The following DRC4 variants were observed in gnomAD, a reference collection of about 807,000 sequenced individuals.
DRC4 encodes the protein dynein regulatory complex subunit 4, also known as GAS-11.
chr16:90,044,790 C>T, the DRC4 span: 1 of 317,408 alleles, frequency 3.2e-6, no homozygotes. Context: ...AGTCTAGGGA[C>T]ACCACTGCCC....
chr16:90,020,624 A>T, the DRC4 span, among the ~76,000 whole-genome samples: 1 of 152,262 alleles, frequency 6.6e-6, no homozygotes, highest in African/African-American at 2.4e-5. Context: ...ACTCGAATTC[A>T]ATATGAAAAG....
the DRC4 span, chr16:90,042,460 C>G: frequency 1.6e-5 from 26 of 1,613,440 alleles, no homozygotes; most frequent in Non-Finnish European, 2.2e-5. Flanking sequence ...CATCACCTCT[C>G]TCTCCTCAGG....
chr16:90,040,278 A>AC, the DRC4 span: 8 of 1,556,752 alleles, frequency 5.1e-6, no homozygotes, highest in Admixed American at 1.5e-4. Flanking sequence ...CTCATCGCCC[A>AC]CCCCCAGCGC....
At chr16:90,024,642 G>C in the DRC4 span, among the ~76,000 whole-genome samples, 3 of 152,074 alleles carry the variant, frequency 2.0e-5, no homozygotes, top group Admixed American at 6.5e-5. Flanking sequence ...AATTTTTAAA[G>C]GACTCCAGCT....
the DRC4 span, chr16:90,035,955 C>G: frequency 1.5e-6 from 2 of 1,363,754 alleles, no homozygotes; most frequent in Non-Finnish European, 1.9e-6. Context: ...CAGGTGGTAG[C>G]TATTCAGTGC....
chr16:90,037,249 G>A, the DRC4 span: 1 of 1,611,730 alleles, frequency 6.2e-7, no homozygotes, highest in Non-Finnish European at 8.5e-7. Flanking sequence ...TGGAGGACAT[G>A]CGGAAGAAGG....
At chr16:90,034,622 A>G in the DRC4 span, among the ~76,000 whole-genome samples, 1 of 151,906 alleles carries the variant, frequency 6.6e-6, no homozygotes, top group African/African-American at 2.4e-5. Flanking sequence ...AGTCTGTCTC[A>G]AAAAAAAGAA....
At chr16:90,028,021 C>G in the DRC4 span, 1 of 376,362 alleles carries the variant, frequency 2.7e-6, no homozygotes, top group Admixed American at 4.1e-5. Context: ...CAATCTTACC[C>G]TTTTTTTGCA....
At chr16:90,044,830 C>A in the DRC4 span, 1 of 246,790 alleles carries the variant, frequency 4.1e-6, no homozygotes, top group Non-Finnish European at 8.2e-6. Context: ...CACAGAGAAG[C>A]AAAAAGGGAA....
chr16:90,039,672 C>CCACCA, the DRC4 span: 1 of 156,252 alleles, frequency 6.4e-6, no homozygotes, highest in Non-Finnish European at 1.4e-5. Context: ...CAGGCGTGAG[C>CCACCA]CACCACACGC....
At chr16:90,028,331 C>G in the DRC4 span, among the ~76,000 whole-genome samples, 3 of 151,776 alleles carry the variant, frequency 2.0e-5, no homozygotes, top group Non-Finnish European at 4.4e-5. Flanking sequence ...ACTACAGGCA[C>G]CTGCCACCAC....
chr16:90,019,677 G>A, the DRC4 span: 4 of 547,416 alleles, frequency 7.3e-6, no homozygotes, highest in Non-Finnish European at 1.3e-5. The surrounding 1 kb of genome is among the most constrained non-coding windows in gnomAD (Gnocchi z 6.1). Flanking sequence ...ACCGGGACCT[G>A]GCTGCGCCCT....
the DRC4 span, among the ~76,000 whole-genome samples, chr16:90,041,640 C>A: frequency 2.6e-5 from 4 of 152,046 alleles, no homozygotes; most frequent in Non-Finnish European, 5.9e-5. Context: ...CCCGTCTCTA[C>A]TAAAAATACA....
At chr16:90,030,966 T>C in the DRC4 span, among the ~76,000 whole-genome samples, 1 of 152,176 alleles carries the variant, frequency 6.6e-6, no homozygotes, top group African/African-American at 2.4e-5. Flanking sequence ...TTGATATTTT[T>C]GCTGTTGTAA....
the DRC4 span, among the ~76,000 whole-genome samples, chr16:90,035,233 A>G: frequency 1.3e-5 from 2 of 152,068 alleles, no homozygotes; most frequent in South Asian, 2.1e-4. Context: ...AGATCTTGCT[A>G]TGTTGCTTAG....
At chr16:90,022,630 C>A in the DRC4 span, 2 of 1,329,030 alleles carry the variant, frequency 1.5e-6, no homozygotes, top group South Asian at 1.5e-5. Flanking sequence ...TGACTTATCG[C>A]GGCATCGCCC....
At chr16:90,043,815 A>G in the DRC4 span, 3,124 of 467,646 alleles carry the variant, frequency 6.7e-3, 63 homozygotes, top group African/African-American at 0.05. Context: ...TGGTGAGCCA[A>G]TGCTCCCTGA....
the DRC4 span, chr16:90,042,892 G>A: frequency 4.0e-6 from 2 of 504,838 alleles, no homozygotes; most frequent in Non-Finnish European, 7.2e-6. Context: ...AACCTGAGTG[G>A]GAAACACCCA....
the DRC4 span, chr16:90,035,492 A>G: frequency 8.4e-6 from 9 of 1,065,266 alleles, no homozygotes; most frequent in Admixed American, 3.8e-5. Flanking sequence ...TTCTCTCTCA[A>G]GCTTAGAGGT....
Sources: allele counts gnomAD v4.1 joint callset (sites outside exome capture counted in the v4.1 genomes callset), GRCh38; gene constraint gnomAD v4.1.1; non-coding constraint Gnocchi (gnomAD v3.1); transcripts MANE v1.5; gene names NCBI Gene and HGNC (gene_info 2026-07-23, HGNC 2026-07-21).